The following CABIN1 variants were observed in gnomAD, a reference collection of about 807,000 sequenced individuals.
CABIN1 encodes calcineurin-binding protein cabin-1.
CABIN1 carries 133 observed loss-of-function variants against 227.7 expected under a neutral mutation model. The ratio of observed to expected loss-of-function variants is 0.58; its 90% CI spans 0.51 to 0.67. CABIN1 has a LOEUF of 0.67. CABIN1 is among the 30% of genes least tolerant of loss of function. The pLI is 0.00. For synonymous variants in CABIN1, 1,086 were observed against 1,155.1 expected (o/e 0.94, Z 1.21); for missense variants, 2,408 against 2,852.5 (o/e 0.84, Z 3.55).
At chr22:24,092,786 C>T (rs1001589089) in intron 24 of CABIN1, among the ~76,000 whole-genome samples, 2 of 151,164 alleles carry the variant, frequency 1.3e-5, no homozygotes, top group South Asian at 4.2e-4. Context: ...CCTAGTGATT[C>T]CAGTATGCCC....
chr22:24,079,196 C>T (rs1458383398), intron 19 of CABIN1, among the ~76,000 whole-genome samples: 3 of 152,146 alleles, frequency 2.0e-5, no homozygotes, highest in African/African-American at 7.2e-5. Context: ...CATGTCCACT[C>T]CCCCACCTAC....
Position 24,139,376 on chromosome 22 carries a change from A to T in CABIN1, c.4746+4961A>T, listed in dbSNP as rs143222181. Among the ~76,000 whole-genome samples the T allele has an allele frequency of 6.3e-3, 962 of 152,234 alleles. 11 individuals carry two copies. Among genetic ancestry groups the T allele is most frequent in the African/African-American group, 0.022 (934 of 41,538 alleles). On this transcript the variant is annotated intron_variant, in intron 29 of 36. Transcript: ENST00000263119. ...GACCACCTGAGGTCAGAAGTTCGAG[A>T]CCAGCCTGGCGAAACCCCATCTCTA...
rs9624395 is a variant in CABIN1 at position 24,064,130 on chromosome 22, A to T, written c.1980A>T (p.Arg660Ser). The T allele has an allele frequency of 9.3e-6, 15 of 1,614,166 alleles. No individual in the cohort carries two copies. The highest frequency in any genetic ancestry group is 1.3e-5 in the Non-Finnish European group (15 of 1,180,038). Residue 660 changes from arginine (R) to serine (S), a missense_variant, in exon 15 of 37, where the codon AGA becomes AGT. Arg to Ser is a moderately radical substitution (Grantham distance 110). This residue lies in a region of CABIN1 where 1,045 missense variants were observed against 1,168.4 expected (regional missense o/e 0.89). Transcript: ENST00000263119. ...AGGTGGAGGCAGGGGCTGAACGAAG[A>T]GACATTGTCATCCGGCTGCCCAACC... ...AIQVEAGAER[R>S]DIVIRLPNLH...
intron 15 of CABIN1, 52 bp from the exon 16 acceptor site, chr22:24,066,935 G>A: frequency 6.4e-7 from 1 of 1,558,844 alleles, no homozygotes; most frequent in Non-Finnish European, 8.8e-7. Context: ...AGATTTGGTG[G>A]GGCAGGGGCT....
chr22:24,021,140 C>T (rs910779280), intron 1 of CABIN1, among the ~76,000 whole-genome samples: 1 of 151,996 alleles, frequency 6.6e-6, no homozygotes, highest in African/African-American at 2.4e-5. Flanking sequence ...GCTGGGACTA[C>T]AGGTGCATAT....
rs764088902 is a variant in CABIN1, at chr22:24,164,436, C to T, written c.4783C>T (p.Pro1595Ser). The change falls in exon 30 of 37, where the codon CCG (proline) becomes TCG (serine). Residue 1595 changes from proline to serine, a missense_variant. Around this residue, in one of 3 missense-constraint regions of CABIN1, gnomAD observed 649 missense variants for 910.3 expected, o/e 0.71. Coordinates refer to ENST00000263119, the MANE Select transcript of CABIN1 (RefSeq NM_012295.4). ...WRIPVDEIDR[P>S]GSFAWHMNRS... is the part of the protein sequence containing the mutation. ...GATCCCCGTGGACGAGATTGACCGGCCGGGCAGCTTTGCCTGGCACATGAA... is the reference window on the plus strand; with the variant it reads ...GATCCCCGTGGACGAGATTGACCGGTCGGGCAGCTTTGCCTGGCACATGAA... 1.1e-5 allele frequency: 18 copies of T among 1,605,142 alleles called. No homozygotes were observed. The highest frequency in any genetic ancestry group is 1.4e-5 in the Non-Finnish European group (17 of 1,179,970).
intron 28 of CABIN1, among the ~76,000 whole-genome samples, chr22:24,132,463 G>A (rs2044133994): frequency 6.6e-6 from 1 of 152,200 alleles, no homozygotes; most frequent in African/African-American, 2.4e-5. Flanking sequence ...TGCAGAGGTG[G>A]GAAGCATTAT....
intron 8 of CABIN1, among the ~76,000 whole-genome samples, chr22:24,053,182 A>G (rs532574601): frequency 6.9e-6 from 1 of 145,960 alleles, no homozygotes; most frequent in African/African-American, 2.6e-5. Flanking sequence ...GGTTCACGCC[A>G]TTCTTCTGCC....
chr22:24,157,851 T>TG (rs985014219), intron 29 of CABIN1, among the ~76,000 whole-genome samples: 9 of 152,058 alleles, frequency 5.9e-5, no homozygotes, highest in Admixed American at 2.0e-4. Context: ...TATGCTTTTC[T>TG]GGGGGGGCGG....
At chr22:24,034,162 G>A (rs968415526) in intron 1 of CABIN1, among the ~76,000 whole-genome samples, 24 of 152,314 alleles carry the variant, frequency 1.6e-4, no homozygotes, top group Non-Finnish European at 2.6e-4. Context: ...CTGCTAATCC[G>A]ACAGGAGGCA....
intron 22 of CABIN1, among the ~76,000 whole-genome samples, chr22:24,086,560 G>A (rs1162627798): frequency 1.3e-5 from 2 of 152,234 alleles, no homozygotes; most frequent in African/African-American, 2.4e-5. Flanking sequence ...GCAGGTGCTA[G>A]GCGAGACTTG....
At chr22:24,118,449 C>T (rs995856440) in intron 27 of CABIN1, among the ~76,000 whole-genome samples, 1 of 152,080 alleles carries the variant, frequency 6.6e-6, no homozygotes, top group Non-Finnish European at 1.5e-5. Context: ...CCAGCAGGCC[C>T]CAGCTATCTC....
chr22:24,098,746 A>G (rs747162144), intron 26 of CABIN1, among the ~76,000 whole-genome samples: 30 of 152,326 alleles, frequency 2.0e-4, no homozygotes, highest in Non-Finnish European at 3.7e-4. Context: ...GTTCAACCAC[A>G]TTCCTTACTA....
Position 24,040,328 on chromosome 22 carries a change from G to A in CABIN1, c.211-811G>A, listed in dbSNP as rs570993226. Reference sequence around the variant, plus strand: ...GTAGGTAGATTCTTGGATTAGTCAAGGGATGCTTCCTGAGGGTGGCATGTC... The same window carrying A: ...GTAGGTAGATTCTTGGATTAGTCAAAGGATGCTTCCTGAGGGTGGCATGTC... On this transcript the variant is annotated intron_variant, in intron 4 of 36. Transcript: ENST00000263119. Among the ~76,000 whole-genome samples the A allele has an allele frequency of 7.2e-5, 11 of 152,278 alleles. No individual in the cohort carries two copies. In the South Asian group the frequency reaches 2.3e-3, roughly 32 times the overall value.
At chr22:24,125,229 G>C (rs1268695041) in intron 28 of CABIN1, among the ~76,000 whole-genome samples, 1 of 152,204 alleles carries the variant, frequency 6.6e-6, no homozygotes, top group African/African-American at 2.4e-5. Context: ...TGCCAGGGGG[G>C]CCCCACAGGG....
chr22:24,145,466 G>A (rs1278751984), intron 29 of CABIN1, among the ~76,000 whole-genome samples: 1 of 152,184 alleles, frequency 6.6e-6, no homozygotes, highest in East Asian at 1.9e-4. Flanking sequence ...CAGCAAGTTT[G>A]CACCTGAGCC....
At chr22:24,026,475 G>C (rs2036096432) in intron 1 of CABIN1, among the ~76,000 whole-genome samples, 1 of 152,034 alleles carries the variant, frequency 6.6e-6, no homozygotes, top group Non-Finnish European at 1.5e-5. Context: ...CTAACCCTAG[G>C]TTTCAAGGAT....
intron 10 of CABIN1, among the ~76,000 whole-genome samples, chr22:24,056,977 C>T (rs1352725297): frequency 6.6e-6 from 1 of 151,910 alleles, no homozygotes; most frequent in East Asian, 1.9e-4. Context: ...TGATCTTTCG[C>T]CCAGGCCGGA....
chr22:24,168,729 G>A (rs1215274784), intron 33 of CABIN1, among the ~76,000 whole-genome samples: 1 of 152,230 alleles, frequency 6.6e-6, no homozygotes, highest in Non-Finnish European at 1.5e-5. Flanking sequence ...GTTCAGACAT[G>A]CTGAGGGGTC....
Sources: allele counts gnomAD v4.1 joint callset (sites outside exome capture counted in the v4.1 genomes callset), GRCh38; gene constraint gnomAD v4.1.1; regional missense constraint gnomAD v4.1.1; transcripts MANE v1.5; gene names NCBI Gene and HGNC (gene_info 2026-07-23, HGNC 2026-07-21).